Variants in SUSD6 observed in about 807,000 individuals in gnomAD.
The protein encoded by SUSD6 is sushi domain containing 6.
In SUSD6, 16 loss-of-function variants were observed where a neutral mutation model predicts 28.4. The ratio of observed to expected loss-of-function variants is 0.56; its 90% CI spans 0.38 to 0.86. SUSD6 has a LOEUF of 0.86. Among genes scored for constraint, SUSD6 ranks in the 40% least tolerant of loss-of-function variants. The pLI, the probability that SUSD6 is intolerant of heterozygous loss-of-function variation, is 0.00. For missense variants in SUSD6, 341 were observed against 384.2 expected (o/e 0.89, Z 0.94); for synonymous variants, 147 against 159.6 (o/e 0.92, Z 0.59).
At chr14:69,614,356 C>T (rs753656401) in intron 1 of SUSD6, among the ~76,000 whole-genome samples, 12 of 152,158 alleles carry the variant, frequency 7.9e-5, no homozygotes, top group Non-Finnish European at 1.6e-4. Flanking sequence ...CGTGAGCCAC[C>T]GTGCCCGGCC....
chr14:69,631,682 T>G (rs1321497398), intron 1 of SUSD6, among the ~76,000 whole-genome samples: 1 of 152,242 alleles, frequency 6.6e-6, no homozygotes, highest in Non-Finnish European at 1.5e-5. Context: ...AGTAGGATTA[T>G]GACCACAACA....
chr14:69,699,414 C>T (rs1410085856), intron 2 of SUSD6, among the ~76,000 whole-genome samples: 2 of 152,080 alleles, frequency 1.3e-5, no homozygotes, highest in Admixed American at 1.3e-4. Flanking sequence ...GTGTTGACCA[C>T]GCTGGTCTCG....
intron 1 of SUSD6, among the ~76,000 whole-genome samples, chr14:69,639,322 A>AAG (rs1885314645): frequency 6.9e-6 from 1 of 145,978 alleles, no homozygotes; most frequent in Admixed American, 6.8e-5. Flanking sequence ...TCAAAAAAAA[A>AAG]AAAAAAAAAA....
intron 3 of SUSD6, chr14:69,703,823 C>T: frequency 1.7e-6 from 1 of 576,690 alleles, no homozygotes; most frequent in Non-Finnish European, 3.1e-6. Flanking sequence ...TCTGTAAAGC[C>T]CGTTTGATGT....
At chr14:69,625,604 A>G (rs573958074) in intron 1 of SUSD6, among the ~76,000 whole-genome samples, 1 of 152,332 alleles carries the variant, frequency 6.6e-6, no homozygotes, top group African/African-American at 2.4e-5. Context: ...AGAGGGGGTT[A>G]GCAAGGGTCA....
intron 2 of SUSD6, among the ~76,000 whole-genome samples, chr14:69,663,703 G>C (rs1460692605): frequency 6.6e-6 from 1 of 152,188 alleles, no homozygotes; most frequent in African/African-American, 2.4e-5. Context: ...TCAATAACTT[G>C]TTCAGAAACT....
At chr14:69,663,736 G>T (rs1194614876) in intron 2 of SUSD6, among the ~76,000 whole-genome samples, 1 of 152,180 alleles carries the variant, frequency 6.6e-6, no homozygotes, top group Admixed American at 6.5e-5. Flanking sequence ...TGGTGAGGCT[G>T]GCTGGGATTT....
intron 2 of SUSD6, among the ~76,000 whole-genome samples, chr14:69,662,542 G>A (rs1050023671): frequency 2.0e-5 from 3 of 152,204 alleles, no homozygotes; most frequent in Non-Finnish European, 4.4e-5. Context: ...TCCTTTAAAT[G>A]GGGAGAATTA....
intron 2 of SUSD6, among the ~76,000 whole-genome samples, chr14:69,701,431 C>T (rs917823336): frequency 6.6e-6 from 1 of 152,066 alleles, no homozygotes; most frequent in Non-Finnish European, 1.5e-5. Flanking sequence ...ATTAATTATG[C>T]CACGGAAATG....
intron 2 of SUSD6, among the ~76,000 whole-genome samples, chr14:69,674,770 G>T (rs946743154): frequency 6.6e-6 from 1 of 152,138 alleles, no homozygotes; most frequent in African/African-American, 2.4e-5. Flanking sequence ...AGCCTGCCTG[G>T]CCCTGTCTTT....
In SUSD6 at chr14:69,633,425, G is replaced by T. The variant is rs3784145; in HGVS notation, c.-81+21597G>T. On this transcript the variant is annotated intron_variant, in intron 1 of 5. Transcript: ENST00000342745. Reference sequence around the variant, plus strand: ...TCTTCCCGACCTTACCCTGCCACCCGCTATCTAGCATGTTTGCTTCGGCAT... The same window carrying T: ...TCTTCCCGACCTTACCCTGCCACCCTCTATCTAGCATGTTTGCTTCGGCAT... Among the ~76,000 whole-genome samples, 6 of 152,378 alleles carry T rather than the reference G, an allele frequency of 3.9e-5. No homozygotes were observed. In the East Asian group the frequency reaches 7.7e-4, roughly 20 times the overall value.
At chr14:69,657,454 CAAA>C (rs140763241) in intron 1 of SUSD6, among the ~76,000 whole-genome samples, 1 of 145,836 alleles carries the variant, frequency 6.9e-6, no homozygotes, top group African/African-American at 2.5e-5. Context: ...GACTGTGTCT[CAAA>C]AAAAAAACAA....
chr14:69,622,272 C>T (rs1885051869), intron 1 of SUSD6, among the ~76,000 whole-genome samples: 1 of 152,192 alleles, frequency 6.6e-6, no homozygotes, highest in South Asian at 2.1e-4. Flanking sequence ...TTATGCGATC[C>T]TCCCACCTCA....
intron 2 of SUSD6, among the ~76,000 whole-genome samples, chr14:69,665,705 G>A (rs1373570479): frequency 6.6e-6 from 1 of 152,196 alleles, no homozygotes; most frequent in Admixed American, 6.5e-5. Flanking sequence ...GTATAACTGA[G>A]TATTATATCT....
intron 1 of SUSD6, among the ~76,000 whole-genome samples, chr14:69,625,602 T>C (rs2139593865): frequency 6.6e-6 from 1 of 151,996 alleles, no homozygotes; most frequent in Middle Eastern, 3.4e-3. Context: ...ACAGAGGGGG[T>C]TAGCAAGGGT....
chr14:69,706,268 T>C (rs1246002858), intron 4 of SUSD6, among the ~76,000 whole-genome samples: 1 of 152,176 alleles, frequency 6.6e-6, no homozygotes, highest in Non-Finnish European at 1.5e-5. Context: ...ATGAGGGAGT[T>C]TTCCCCCCTA....
intron 2 of SUSD6, among the ~76,000 whole-genome samples, chr14:69,687,354 G>A (rs924356326): frequency 2.6e-5 from 4 of 152,046 alleles, no homozygotes; most frequent in African/African-American, 9.7e-5. Flanking sequence ...CAGGTGATCT[G>A]CCTGCCTCGG....
chr14:69,673,428 A>G (rs914931913), intron 2 of SUSD6, among the ~76,000 whole-genome samples: 3 of 152,188 alleles, frequency 2.0e-5, no homozygotes, highest in Non-Finnish European at 2.9e-5. Context: ...CTTGGGCTGA[A>G]AAAAACCTGT....
chr14:69,672,969 C>T (rs1013680288), intron 2 of SUSD6, among the ~76,000 whole-genome samples: 1 of 152,214 alleles, frequency 6.6e-6, no homozygotes, highest in Non-Finnish European at 1.5e-5. Context: ...ACTTCCCTGC[C>T]TCTGGTCAAG....
Sources: gnomAD v4.1 joint callset for allele counts (sites outside exome capture counted in the v4.1 genomes callset) on GRCh38, gnomAD v4.1.1 for gene constraint, MANE v1.5 for transcripts, NCBI Gene and HGNC (gene_info 2026-07-23, HGNC 2026-07-21) for gene names.